GRAMD1B: variants seen among roughly 807,000 people sequenced by gnomAD.
GRAMD1B encodes the protein GRAM domain containing 1B, also known as protein Aster-B.
GRAMD1B carries 37 observed loss-of-function variants against 99.7 expected under a neutral mutation model. The ratio of observed to expected loss-of-function variants is 0.37; its 90% CI spans 0.29 to 0.49. The LOEUF (loss-of-function observed/expected upper bound fraction) is 0.49, where lower values mean the gene tolerates loss of function less well. Ranked by LOEUF, GRAMD1B falls within the 20% of genes least tolerant of loss-of-function variation. GRAMD1B has a pLI of 0.98. For synonymous variants in GRAMD1B, 427 were observed against 387.6 expected, an observed-to-expected ratio of 1.10 and a Z score of -1.19; for missense variants, 888 against 1,009.2, an observed-to-expected ratio of 0.88 and a Z score of 1.63.
intron 19 of GRAMD1B, among the ~76,000 whole-genome samples, chr11:123,621,029 G>T (rs1955066752): frequency 6.6e-6 from 1 of 152,176 alleles, no homozygotes; most frequent in Admixed American, 6.5e-5. Flanking sequence ...GGTTGGGGCT[G>T]TCAGATTTAT....
chr11:123,509,284 A>G (rs1014596123), intron 2 of GRAMD1B, among the ~76,000 whole-genome samples: 1 of 152,154 alleles, frequency 6.6e-6, no homozygotes, highest in Non-Finnish European at 1.5e-5. Context: ...CCTTTTGTAG[A>G]TGTGAGATCA....
At chr11:123,397,408 AAAAACAAAAC>A (rs148210099) in intron 1 of GRAMD1B, among the ~76,000 whole-genome samples, 51 of 150,716 alleles carry the variant, frequency 3.4e-4, no homozygotes, top group Middle Eastern at 3.4e-3. Flanking sequence ...CTCTGTCTCA[AAAAACAAAAC>A]AAAACAAAAC....
chr11:123,367,900 G>C (rs2135712930), intron 1 of GRAMD1B, among the ~76,000 whole-genome samples: 1 of 152,152 alleles, frequency 6.6e-6, no homozygotes, highest in African/African-American at 2.4e-5. Flanking sequence ...CCAGATCTGA[G>C]AGTTAAAGAA....
intron 2 of GRAMD1B, among the ~76,000 whole-genome samples, chr11:123,560,072 C>A (rs369854359): frequency 2.9e-4 from 43 of 150,684 alleles, no homozygotes; most frequent in African/African-American, 1.0e-3. Flanking sequence ...ATAACCCCCC[C>A]CCCCGCAGCC....
chr11:123,599,722 C>T (rs942632612), intron 7 of GRAMD1B, among the ~76,000 whole-genome samples: 1 of 152,216 alleles, frequency 6.6e-6, no homozygotes, highest in Non-Finnish European at 1.5e-5. Context: ...ATCCACCCAC[C>T]TCGGCCTCCC....
rs1274744646 is a variant in GRAMD1B at position 123,627,435 on chromosome 11, A to G, written c.*4840A>G. 6.6e-6 allele frequency: 1 copy of G among 152,252 alleles called. No homozygotes were observed. Among genetic ancestry groups the G allele is most frequent in the Non-Finnish European group, 1.5e-5 (1 of 68,146 alleles). The allele number at this position is 152,252 out of a possible 1,614,324, so 9.4% of individuals were successfully genotyped here. On this transcript the variant is annotated 3_prime_UTR_variant, in exon 20 of 20. Coordinates refer to ENST00000635736, the MANE Select transcript of GRAMD1B (RefSeq NM_001387025.1). ...CCCATGGTGCTTTTTCCCCAACTCA[A>G]CCTAGACTCCAAGGTGGGGAGGGAT...
intron 1 of GRAMD1B, among the ~76,000 whole-genome samples, chr11:123,359,152 T>C (rs747505074): frequency 6.6e-6 from 1 of 152,064 alleles, no homozygotes; most frequent in Non-Finnish European, 1.5e-5. Flanking sequence ...ACAGGGTTGG[T>C]TGAGCATGGA....
chr11:123,542,090 C>T (rs777653846), intron 2 of GRAMD1B, among the ~76,000 whole-genome samples: 8 of 152,144 alleles, frequency 5.3e-5, no homozygotes, highest in Non-Finnish European at 8.8e-5. Flanking sequence ...TATTTTATGC[C>T]AGCTATGTAT....
At chr11:123,524,921 G>A (rs146334340) in intron 2 of GRAMD1B, among the ~76,000 whole-genome samples, 9 of 152,252 alleles carry the variant, frequency 5.9e-5, no homozygotes, top group African/African-American at 1.9e-4. Context: ...AGCCAGGGAA[G>A]TTGTTGGTGT....
At position 123,577,355 on chromosome 11, in the gene GRAMD1B, C is replaced by G; in HGVS notation, c.453-12C>G. On this transcript the variant is annotated splice_polypyrimidine_tract_variant and intron_variant, in intron 2 of 19. Coordinates refer to ENST00000635736, the MANE Select transcript of GRAMD1B (RefSeq NM_001387025.1). ...TTTCCACCCCGCTCCCTCTCTCCAT[C>G]TGCCGCTGCAGCACTGCCAGTAACT... 2 of 1,567,810 alleles carry G rather than the reference C, an allele frequency of 1.3e-6. No homozygotes were observed. The highest frequency in any genetic ancestry group is 1.7e-6 in the Non-Finnish European group (2 of 1,156,334).
intron 2 of GRAMD1B, among the ~76,000 whole-genome samples, chr11:123,534,556 A>T (rs1331831709): frequency 6.6e-6 from 1 of 152,086 alleles, no homozygotes; most frequent in African/African-American, 2.4e-5. Flanking sequence ...AATGGAGTCC[A>T]CTGAGATTTC....
intron 2 of GRAMD1B, among the ~76,000 whole-genome samples, chr11:123,549,276 A>C (rs1425355803): frequency 6.6e-6 from 1 of 152,100 alleles, no homozygotes; most frequent in East Asian, 1.9e-4. Context: ...CGGGCGCAGC[A>C]GCTCATGCCT....
At chr11:123,490,328 C>T (rs984289519) in intron 2 of GRAMD1B, among the ~76,000 whole-genome samples, 27 of 152,044 alleles carry the variant, frequency 1.8e-4, no homozygotes, top group Non-Finnish European at 2.9e-4. Context: ...ATGAGGCAGG[C>T]GCTTCGATGG....
At position 123,591,596 on chromosome 11, in the gene GRAMD1B, A is replaced by G. The variant is rs1363001182; in HGVS notation, c.685-2486A>G. ...TCTGTGGTAGTTCTGCACCCTTGTT[A>G]TGCCACTTGGCTCTCCTACCCGAAG... On this transcript the variant is annotated intron_variant, in intron 4 of 19. Coordinates refer to ENST00000635736, the MANE Select transcript of GRAMD1B (RefSeq NM_001387025.1). This position sits in a 1 kb window ranked among gnomAD's most constrained non-coding sequence, Gnocchi z 4.7. The G allele has an allele frequency of 7.5e-6, 3 of 398,138 alleles. No homozygotes were observed. Among genetic ancestry groups the G allele is most frequent in the Admixed American group, 8.8e-5 (2 of 22,716 alleles). 24.7% of individuals were successfully genotyped at this position (398,138 alleles called of 1,614,324 possible). A position where few individuals can be genotyped will look rare whatever the true frequency, so the allele number is the denominator to read the frequency against.
At chr11:123,477,993 A>G in intron 1 of GRAMD1B, among the ~76,000 whole-genome samples, 1 of 151,586 alleles carries the variant, frequency 6.6e-6, no homozygotes. Context: ...AGGTTTCACC[A>G]TGTTGGCCAG....
intron 2 of GRAMD1B, chr11:123,560,421 G>C (rs1437413391): frequency 8.5e-7 from 1 of 1,182,932 alleles, no homozygotes; most frequent in African/African-American, 1.6e-5. Flanking sequence ...TGCTTAAAAT[G>C]CTACAGCGGT....
intron 2 of GRAMD1B, among the ~76,000 whole-genome samples, chr11:123,485,715 C>CTTT (rs373956363): frequency 3.8e-5 from 5 of 132,482 alleles, no homozygotes; most frequent in African/African-American, 8.4e-5. Context: ...TTAATTCATT[C>CTTT]TTTTTTTTTT....
chr11:123,621,794 A>G (rs1955139763), intron 19 of GRAMD1B, among the ~76,000 whole-genome samples: 1 of 152,186 alleles, frequency 6.6e-6, no homozygotes, highest in Middle Eastern at 3.4e-3. Context: ...ACTTCAAGAG[A>G]GTTCTTGATC....
intron 1 of GRAMD1B, among the ~76,000 whole-genome samples, chr11:123,432,310 A>C (rs1948933102): frequency 6.6e-6 from 1 of 152,090 alleles, no homozygotes; most frequent in East Asian, 1.9e-4. Context: ...TAATCCCAGC[A>C]CTTTGGGAGG....
Sources: allele counts gnomAD v4.1 joint callset (sites outside exome capture counted in the v4.1 genomes callset), GRCh38; gene constraint gnomAD v4.1.1; non-coding constraint Gnocchi (gnomAD v3.1); transcripts MANE v1.5; gene names NCBI Gene and HGNC (gene_info 2026-07-23, HGNC 2026-07-21).